The following DBN1 variants were observed in gnomAD, a reference collection of about 807,000 sequenced individuals.
DBN1 encodes drebrin.
A neutral mutation model predicts 83.5 loss-of-function variants in DBN1; 21 were observed. The ratio of observed to expected loss-of-function variants is 0.25; its 90% CI spans 0.18 to 0.36. The LOEUF (loss-of-function observed/expected upper bound fraction) is 0.36, where lower values mean the gene tolerates loss of function less well. Ranked by LOEUF, DBN1 falls within the 10% of genes least tolerant of loss-of-function variation. DBN1 has a pLI of 1.00. For missense variants in DBN1, 874 were observed against 935.7 expected (o/e 0.93, Z 0.86); for synonymous variants, 381 against 384.9 (o/e 0.99, Z 0.12).
chr5:177,465,395 G>A (rs560734774), intron 8 of DBN1, among the ~76,000 whole-genome samples: 1 of 152,366 alleles, frequency 6.6e-6, no homozygotes, highest in South Asian at 2.1e-4. Context: ...CATAGAGACA[G>A]AAAGTGGAAT....
chr5:177,462,201 T>A, intron 8 of DBN1: 8 of 794,530 alleles, frequency 1.0e-5, no homozygotes, highest in Non-Finnish European at 1.2e-5. Flanking sequence ...CACCACCCCC[T>A]GCCGGCCCCC....
chr5:177,458,498 T>A lies in DBN1; in HGVS notation c.1474A>T (p.Ile492Phe). 1.2e-6 allele frequency: 2 copies of A among 1,613,912 alleles called. No homozygotes were observed. The highest frequency in any genetic ancestry group is 1.7e-6 in the Non-Finnish European group (2 of 1,179,922). Residue 492 changes from isoleucine to phenylalanine, a missense_variant, in exon 13 of 15, where the codon ATC becomes TTC. By Grantham distance (21) the Ile-to-Phe change is conservative. Around this residue, in one of 4 missense-constraint regions of DBN1, gnomAD observed 725 missense variants for 719.7 expected, o/e 1.01. Coordinates refer to ENST00000393565, the MANE Select transcript of DBN1 (RefSeq NM_001363541.2). ...TCAATGGTGTCAGCTGCATCGTGGA[T>A]CTCCGTGGCGTCAGCTGTGGCAGGC... ...VEPATADATEIHDAADTIETD... is the reference protein window; with the variant it reads ...VEPATADATEFHDAADTIETD...
intron 8 of DBN1, among the ~76,000 whole-genome samples, chr5:177,463,097 C>T (rs896213479): frequency 8.6e-5 from 13 of 151,860 alleles, no homozygotes; most frequent in African/African-American, 1.5e-4. Flanking sequence ...AGTGCAGTGG[C>T]GAGATCTCGG....
rs556214365 is a variant in DBN1, at chr5:177,463,201, T to C, written c.772-2498A>G. On this transcript the variant is annotated intron_variant, in intron 8 of 14. Coordinates refer to ENST00000393565, the MANE Select transcript of DBN1 (RefSeq NM_001363541.2). ...ACAGGCGCCCGCCACCACGCTCGGC[T>C]AATTTCTTGTATTTTTTAGTAGAGA... 6.6e-5 allele frequency among the ~76,000 whole-genome samples: 10 copies of C among 152,300 alleles called. No individual in the cohort carries two copies. In the East Asian group the frequency reaches 1.9e-3, roughly 29 times the overall value.
intron 8 of DBN1, among the ~76,000 whole-genome samples, chr5:177,461,060 G>T (rs1756997998): frequency 6.8e-6 from 1 of 147,946 alleles, no homozygotes; most frequent in South Asian, 2.1e-4. Context: ...ATGGATTACA[G>T]TCATGAGCCA....
In DBN1 at chr5:177,458,419, G is replaced by A; in HGVS notation, c.1553C>T (p.Ala518Val). 1 of 1,614,206 alleles carries A rather than the reference G, an allele frequency of 6.2e-7. No individual in the cohort carries two copies. Among genetic ancestry groups the A allele is most frequent in the Admixed American group, 1.7e-5 (1 of 60,028 alleles). Reference sequence around the variant, plus strand: ...AGGCCATAGGTCAATGAGGCTGGTGGCGGCGGGGGGTACGTTGTTGGCAAC... The same window carrying A: ...AGGCCATAGGTCAATGAGGCTGGTGACGGCGGGGGGTACGTTGTTGGCAAC... ...TTVANNVPPA[A>V]TSLIDLWPGN... Residue 518 changes from alanine (A) to valine (V), a missense_variant, in exon 13 of 15, where the codon GCC becomes GTC. By Grantham distance (64) the Ala-to-Val change is moderately conservative. Around this residue, in one of 4 missense-constraint regions of DBN1, gnomAD observed 725 missense variants for 719.7 expected, o/e 1.01. Transcript: ENST00000393565.
chr5:177,459,552 G>C, intron 11 of DBN1, 51 bp downstream of exon 11: 1 of 1,450,570 alleles, frequency 6.9e-7, no homozygotes, highest in Non-Finnish European at 9.1e-7. Flanking sequence ...GGGCTGCTGG[G>C]AAGCGGGGCC....
At chr5:177,472,291 CG>C in intron 1 of DBN1, 1 of 1,587,848 alleles carries the variant, frequency 6.3e-7, no homozygotes, top group Non-Finnish European at 8.6e-7. Context: ...CCAGCCCAAG[CG>C]GGGTCCCTCA....
intron 8 of DBN1, among the ~76,000 whole-genome samples, chr5:177,465,886 T>A (rs1757411732): frequency 6.6e-6 from 1 of 151,622 alleles, no homozygotes; most frequent in Non-Finnish European, 1.5e-5. Context: ...ATGAATCAAC[T>A]TATGAAAAAA....
At chr5:177,459,302 C>CG in intron 11 of DBN1, 34 bp from the exon 12 acceptor site, 1 of 1,590,774 alleles carries the variant, frequency 6.3e-7, no homozygotes, top group Non-Finnish European at 8.5e-7. Flanking sequence ...TCAGTGAGGG[C>CG]GGGGGAGCCG....
chr5:177,462,750 G>A (rs1365193502), intron 8 of DBN1, among the ~76,000 whole-genome samples: 5 of 152,154 alleles, frequency 3.3e-5, no homozygotes, highest in African/African-American at 1.2e-4. Flanking sequence ...GCTTATGTCA[G>A]GAGCACTGGG....
intron 13 of DBN1, 62 bp from the exon 14 acceptor site, chr5:177,457,819 G>A: frequency 8.4e-7 from 1 of 1,193,106 alleles, no homozygotes; most frequent in Non-Finnish European, 1.2e-6. Context: ...GACCTATCAG[G>A]CCTGAGCCCG....
chr5:177,468,323 C>T (rs1757613811), intron 2 of DBN1, 103 bp from the exon 3 acceptor site: 1 of 993,988 alleles, frequency 1.0e-6, no homozygotes. Context: ...CACAGGCACC[C>T]CCAGGGGTCT....
At chr5:177,462,781 C>A (rs560400882) in intron 8 of DBN1, among the ~76,000 whole-genome samples, 1 of 152,260 alleles carries the variant, frequency 6.6e-6, no homozygotes, top group African/African-American at 2.4e-5. Flanking sequence ...TTCGTAGTAT[C>A]CCACCTCAGG....
At chr5:177,465,259 G>A (rs1375771909) in intron 8 of DBN1, among the ~76,000 whole-genome samples, 1 of 152,238 alleles carries the variant, frequency 6.6e-6, no homozygotes, top group African/African-American at 2.4e-5. Context: ...CAAAAAGAAG[G>A]AAATTCTGAT....
intron 1 of DBN1, chr5:177,472,000 G>A (rs920173453): frequency 1.7e-6 from 2 of 1,190,858 alleles, no homozygotes; most frequent in African/African-American, 1.6e-5. Flanking sequence ...TCCTTCACCA[G>A]GCCAAGCCGG....
At chr5:177,462,765 G>A (rs1179659338) in intron 8 of DBN1, among the ~76,000 whole-genome samples, 1 of 152,178 alleles carries the variant, frequency 6.6e-6, no homozygotes. Context: ...ACTGGGAGAA[G>A]GGCCCTTCGT....
rs574721485 is a variant in DBN1, at chr5:177,467,893, G to A, written c.256-76C>T. ...ACACGATAGGGTGCATCTTCCCCGG[G>A]GTGGGAAGAGGGTGGGCTTCCCTCT... On this transcript the variant is annotated intron_variant, in intron 3 of 14. Coordinates refer to ENST00000393565, the MANE Select transcript of DBN1 (RefSeq NM_001363541.2). This position sits in a 1 kb window ranked among gnomAD's most constrained non-coding sequence, Gnocchi z 9.1. The A allele has an allele frequency of 3.2e-6, 5 of 1,542,456 alleles. No homozygotes were observed. The African/African-American group carries it at 5.4e-5, about 17-fold the overall frequency.
chr5:177,471,775 C>T (rs1293863676), intron 1 of DBN1, among the ~76,000 whole-genome samples: 1 of 152,084 alleles, frequency 6.6e-6, no homozygotes, highest in Non-Finnish European at 1.5e-5. Context: ...TCGCTTTGGC[C>T]ACACGGATGC....
Sources: allele counts gnomAD v4.1 joint callset (sites outside exome capture counted in the v4.1 genomes callset), GRCh38; gene constraint gnomAD v4.1.1; regional missense constraint gnomAD v4.1.1; non-coding constraint Gnocchi (gnomAD v3.1); transcripts MANE v1.5; gene names NCBI Gene and HGNC (gene_info 2026-07-23, HGNC 2026-07-21).